The following SORCS2 variants were observed in gnomAD, a reference collection of about 807,000 sequenced individuals.
The protein encoded by SORCS2 is sortilin related VPS10 domain containing receptor 2, also known as VPS10 domain-containing receptor SorCS2.
Under a neutral mutation model 141.6 loss-of-function variants are expected in SORCS2, and 100 were observed. The ratio of observed to expected loss-of-function variants is 0.71; its 90% CI spans 0.60 to 0.83. SORCS2 has a LOEUF of 0.83. Among genes scored for constraint, SORCS2 ranks in the 40% least tolerant of loss-of-function variants. The pLI is 0.00. For missense variants in SORCS2, 1,646 were observed against 1,560.2 expected (o/e 1.05, Z -0.93); for synonymous variants, 789 against 676.9 (o/e 1.17, Z -2.57).
rs1404057950 is a variant in SORCS2, at chr4:7,664,809, C to T, written c.1071+338C>T. Among the ~76,000 whole-genome samples the T allele has an allele frequency of 1.3e-5, 2 of 152,298 alleles. No individual in the cohort carries two copies. Among genetic ancestry groups the T allele is most frequent in the African/African-American group, 2.4e-5 (1 of 41,560 alleles). ...AACTGACCAGGACTGCTTCTGGTCC[C>T]GGCTCTTGGCCACCAGGCACCGGCT... On this transcript the variant is annotated intron_variant, in intron 7 of 26. Coordinates refer to ENST00000507866, the MANE Select transcript of SORCS2 (RefSeq NM_020777.3). This position sits in a 1 kb window ranked among gnomAD's most constrained non-coding sequence, Gnocchi z 4.7.
At chr4:7,679,015 C>A (rs1723339969) in intron 9 of SORCS2, among the ~76,000 whole-genome samples, 1 of 152,202 alleles carries the variant, frequency 6.6e-6, no homozygotes, top group African/African-American at 2.4e-5. Context: ...TTTCCCAGCA[C>A]TTGCCCTTTC....
chr4:7,527,282 C>A (rs764961867), intron 2 of SORCS2, among the ~76,000 whole-genome samples: 10 of 152,250 alleles, frequency 6.6e-5, no homozygotes, highest in Non-Finnish European at 1.3e-4. Flanking sequence ...GACTATGCTA[C>A]CTTACATGGC....
At chr4:7,437,746 T>G (rs1045461244) in intron 2 of SORCS2, among the ~76,000 whole-genome samples, 16 of 152,010 alleles carry the variant, frequency 1.1e-4, no homozygotes, top group Non-Finnish European at 1.9e-4. Flanking sequence ...GGGGATGATG[T>G]TGGATTACTT....
intron 2 of SORCS2, among the ~76,000 whole-genome samples, chr4:7,468,773 G>C (rs1729781705): frequency 6.6e-6 from 1 of 152,184 alleles, no homozygotes; most frequent in African/African-American, 2.4e-5. Context: ...GGGAGATTAG[G>C]TTTTTGAAAG....
intron 3 of SORCS2, among the ~76,000 whole-genome samples, chr4:7,618,093 G>A (rs1413030562): frequency 6.6e-6 from 1 of 151,864 alleles, no homozygotes; most frequent in African/African-American, 2.4e-5. Flanking sequence ...ACACCCCCTC[G>A]GAGGGTGGAC....
chr4:7,398,094 C>T (rs143428443), intron 2 of SORCS2, among the ~76,000 whole-genome samples: 222 of 151,970 alleles, frequency 1.5e-3, no homozygotes, highest in African/African-American at 5.3e-3. Context: ...TTTTCTTTCC[C>T]GGTGTGATCT....
chr4:7,660,639 C>A (rs561227919), intron 5 of SORCS2, among the ~76,000 whole-genome samples: 7 of 152,160 alleles, frequency 4.6e-5, no homozygotes, highest in Non-Finnish European at 7.4e-5. Context: ...TGGGCAGGAG[C>A]CTGAGACTGC....
chr4:7,536,963 A>T (rs1049683972), intron 3 of SORCS2, among the ~76,000 whole-genome samples: 2 of 152,144 alleles, frequency 1.3e-5, no homozygotes, highest in African/African-American at 4.8e-5. Context: ...AGAGAACAGA[A>T]GCAATCACTG....
chr4:7,254,218 T>G (rs1713697992), intron 1 of SORCS2, among the ~76,000 whole-genome samples: 1 of 152,194 alleles, frequency 6.6e-6, no homozygotes, highest in Non-Finnish European at 1.5e-5. Flanking sequence ...ATATACCTAT[T>G]CGTATGTGTA....
chr4:7,540,094 C>T (rs1424289058), intron 3 of SORCS2, among the ~76,000 whole-genome samples: 1 of 143,832 alleles, frequency 7.0e-6, no homozygotes, highest in African/African-American at 2.6e-5. Context: ...GGAGGCCCCG[C>T]CCCCTTTGTG....
chr4:7,378,903 T>C (rs1722821571), intron 1 of SORCS2, among the ~76,000 whole-genome samples: 1 of 152,204 alleles, frequency 6.6e-6, no homozygotes, highest in Non-Finnish European at 1.5e-5. Context: ...TTGGCCACCA[T>C]GGACACGGAT....
chr4:7,677,375 C>G (rs1393324064), intron 9 of SORCS2, among the ~76,000 whole-genome samples: 1 of 152,254 alleles, frequency 6.6e-6, no homozygotes, highest in Non-Finnish European at 1.5e-5. Context: ...AGGGGGGCTA[C>G]TTGACCCATG....
chr4:7,638,256 C>T lies in SORCS2; in HGVS notation c.649-72C>T, dbSNP rs544027528. 4.1e-6 allele frequency: 6 copies of T among 1,473,402 alleles called. No individual in the cohort carries two copies. The African/African-American group carries it at 8.8e-5, about 22-fold the overall frequency. 91.3% of individuals were successfully genotyped at this position (1,473,402 alleles called of 1,614,324 possible). On this transcript the variant is annotated intron_variant, in intron 3 of 26. Coordinates refer to ENST00000507866, the MANE Select transcript of SORCS2 (RefSeq NM_020777.3). ...GGAGAGAGGCGCACCTGGCCCAGGC[C>T]TCACAACACCTTTCTGGTGTCGGGG...
At chr4:7,294,527 C>G (rs1373287953) in intron 1 of SORCS2, among the ~76,000 whole-genome samples, 1 of 149,234 alleles carries the variant, frequency 6.7e-6, no homozygotes, top group Middle Eastern at 3.2e-3. Context: ...CCCCAGGGAG[C>G]TCCTCCTCCA....
chr4:7,504,874 A>G (rs1228185618), intron 2 of SORCS2, among the ~76,000 whole-genome samples: 3 of 152,230 alleles, frequency 2.0e-5, no homozygotes, highest in Non-Finnish European at 2.9e-5. Context: ...CAAAAGGTCC[A>G]TGGTGAGCAG....
intron 14 of SORCS2, among the ~76,000 whole-genome samples, chr4:7,706,428 CTCTG>C (rs1471113112): frequency 1.4e-5 from 2 of 145,358 alleles, no homozygotes; most frequent in East Asian, 4.1e-4. Context: ...TGAGGCTGGG[CTCTG>C]TCTGGGCAGG....
intron 3 of SORCS2, among the ~76,000 whole-genome samples, chr4:7,583,750 CCT>C (rs973881216): frequency 1.1e-4 from 16 of 152,322 alleles, no homozygotes; most frequent in African/African-American, 3.8e-4. Context: ...GTCCATTAAA[CCT>C]CTTTTTCTTT....
chr4:7,737,721 C>T (rs147473121), intron 26 of SORCS2, among the ~76,000 whole-genome samples: 52 of 152,326 alleles, frequency 3.4e-4, no homozygotes, highest in African/African-American at 6.7e-4. Context: ...CATGACAAAC[C>T]GCCCACCTCA....
chr4:7,698,164 C>A (rs1724831694), intron 12 of SORCS2, among the ~76,000 whole-genome samples: 2 of 152,182 alleles, frequency 1.3e-5, no homozygotes. Context: ...GTCTTTCTGG[C>A]TGAAGCTGGC....
Sources: allele counts gnomAD v4.1 joint callset (sites outside exome capture counted in the v4.1 genomes callset), GRCh38; gene constraint gnomAD v4.1.1; non-coding constraint Gnocchi (gnomAD v3.1); transcripts MANE v1.5; gene names NCBI Gene and HGNC (gene_info 2026-07-23, HGNC 2026-07-21).